The following STOX2 variants were observed in gnomAD, a reference collection of about 807,000 sequenced individuals.
The protein encoded by STOX2 is storkhead box 2, also known as storkhead-box protein 2.
In STOX2, 28 loss-of-function variants were observed where a neutral mutation model predicts 60.9. The observed-to-expected ratio is 0.46, with a 90% CI of 0.34 to 0.63. The LOEUF (loss-of-function observed/expected upper bound fraction) is 0.63, where lower values mean the gene tolerates loss of function less well. Ranked by LOEUF, STOX2 falls within the 30% of genes least tolerant of loss-of-function variation. STOX2 has a pLI of 0.01. For synonymous variants in STOX2, 472 were observed against 463.9 expected (o/e 1.02, Z -0.22); for missense variants, 1,024 against 1,187.7 (o/e 0.86, Z 2.03).
chr4:183,901,786 G>GT (rs1579391783), upstream of STOX2, among the ~76,000 whole-genome samples: 1 of 151,704 alleles, frequency 6.6e-6, no homozygotes, highest in East Asian at 1.9e-4. Context: ...CTAGTTGTTT[G>GT]TTTTTTTGTT....
At chr4:183,893,034 T>C (rs1001305573) in intron 1 of STOX2, among the ~76,000 whole-genome samples, 1 of 152,022 alleles carries the variant, frequency 6.6e-6, no homozygotes, top group Non-Finnish European at 1.5e-5. Flanking sequence ...GAAAGCCACA[T>C]CAGATATCCT....
chr4:183,875,189 T>C (rs982892655), intron 1 of STOX2, among the ~76,000 whole-genome samples: 1 of 151,584 alleles, frequency 6.6e-6, no homozygotes, highest in Non-Finnish European at 1.5e-5. Flanking sequence ...CCCATATTAT[T>C]ACAGGGTGAT....
intron 1 of STOX2, among the ~76,000 whole-genome samples, chr4:183,964,256 T>A (rs1743497762): frequency 6.6e-6 from 1 of 152,194 alleles, no homozygotes; most frequent in Non-Finnish European, 1.5e-5. Context: ...AATATTCAAA[T>A]GTTATGTTGA....
At chr4:183,941,702 C>T (rs1348845931) in intron 1 of STOX2, among the ~76,000 whole-genome samples, 4 of 152,162 alleles carry the variant, frequency 2.6e-5, no homozygotes, top group Non-Finnish European at 5.9e-5. Context: ...ACGTGCCTGG[C>T]ACACAGTCAT....
At chr4:183,989,165 TC>T (rs914138900) in intron 1 of STOX2, among the ~76,000 whole-genome samples, 2 of 124,068 alleles carry the variant, frequency 1.6e-5, no homozygotes, top group African/African-American at 7.0e-5. Context: ...TGACATTTTT[TC>T]TGGTTTTTTT....
intron 1 of STOX2, among the ~76,000 whole-genome samples, chr4:183,933,686 G>A (rs997915835): frequency 2.0e-5 from 3 of 152,160 alleles, no homozygotes; most frequent in African/African-American, 7.2e-5. Flanking sequence ...ACTGCACCTG[G>A]CTGAAACTCA....
At chr4:183,833,634 GTT>G (rs112301632) in intron 1 of STOX2, among the ~76,000 whole-genome samples, 4 of 142,522 alleles carry the variant, frequency 2.8e-5, no homozygotes, top group Admixed American at 1.4e-4. Context: ...TTCTGCAGGA[GTT>G]TTTTTTTTTT....
At position 184,009,724 on chromosome 4, in the gene STOX2, C is replaced by A; in HGVS notation, c.886C>A (p.Pro296Thr). Residue 296 changes from proline (P) to threonine (T), a missense_variant, in exon 3 of 4, where the codon CCC (proline) becomes ACC (threonine). Coordinates refer to ENST00000308497, the MANE Select transcript of STOX2 (RefSeq NM_020225.3). The surrounding 1 kb of genome is among the most constrained non-coding windows in gnomAD (Gnocchi z 4.0). ...FSAQFPPEEWPLRDEDTPATI... is the reference protein window; with the variant it reads ...FSAQFPPEEWTLRDEDTPATI... ...TGCCCAGTTTCCTCCTGAAGAGTGGCCCCTGCGAGACGAGGACACGCCAGC... is the reference window on the plus strand; with the variant it reads ...TGCCCAGTTTCCTCCTGAAGAGTGGACCCTGCGAGACGAGGACACGCCAGC... 1 of 1,613,714 alleles carries A rather than the reference C, an allele frequency of 6.2e-7. No individual in the cohort carries two copies. The highest frequency in any genetic ancestry group is 8.5e-7 in the Non-Finnish European group (1 of 1,179,824).
chr4:183,818,731 C>CT (rs1739219225), intron 1 of STOX2, among the ~76,000 whole-genome samples: 1 of 150,310 alleles, frequency 6.7e-6, no homozygotes, highest in Non-Finnish European at 1.5e-5. Flanking sequence ...GGGCTGACTC[C>CT]CCACCTCCCT....
intron 1 of STOX2, among the ~76,000 whole-genome samples, chr4:183,861,838 CG>C (rs1266857916): frequency 6.6e-6 from 1 of 152,060 alleles, no homozygotes; most frequent in Non-Finnish European, 1.5e-5. Context: ...AATTAGGACC[CG>C]GAAGAGCCCA....
intron 1 of STOX2, among the ~76,000 whole-genome samples, chr4:183,924,582 G>A (rs985996373): frequency 8.5e-5 from 13 of 152,118 alleles, no homozygotes; most frequent in African/African-American, 3.1e-4. Context: ...AGGAGCTGTC[G>A]GGTTATTCTG....
chr4:183,846,413 A>G (rs1312833880), intron 1 of STOX2, among the ~76,000 whole-genome samples: 1 of 151,942 alleles, frequency 6.6e-6, no homozygotes, highest in South Asian at 2.1e-4. Context: ...GGTGTGCTTG[A>G]TGGTGTTCCA....
chr4:184,000,959 A>G (rs1250389511), intron 1 of STOX2, among the ~76,000 whole-genome samples: 1 of 152,258 alleles, frequency 6.6e-6, no homozygotes, highest in Non-Finnish European at 1.5e-5. Context: ...ATCAAGTTAC[A>G]CAAATGCAAT....
rs552702741 is a variant in STOX2 at position 183,884,375 on chromosome 4, T to G, written c.364+86320T>G. 1.1e-4 allele frequency among the ~76,000 whole-genome samples: 16 copies of G among 152,120 alleles called. No homozygotes were observed. The East Asian group carries it at 1.2e-3, about 11-fold the overall frequency. ...TAGGGTCCGGTTTAGTAGCATGAGA[T>G]AGAAAATATTTTATTGGTTTGGGAG... is the stretch of plus-strand genomic sequence containing the variant. On this transcript the variant is annotated intron_variant, in intron 1 of 2. Transcript: ENST00000513034.
chr4:183,949,627 G>C (rs1346866268), intron 1 of STOX2, among the ~76,000 whole-genome samples: 3 of 152,190 alleles, frequency 2.0e-5, no homozygotes. Flanking sequence ...GAACCCGGGA[G>C]ATGTAGGTTG....
chr4:183,846,246 C>T (rs1739987427), intron 1 of STOX2, among the ~76,000 whole-genome samples: 1 of 152,206 alleles, frequency 6.6e-6, no homozygotes, highest in Non-Finnish European at 1.5e-5. Flanking sequence ...TGTATTTCGA[C>T]AGTTACATTA....
chr4:183,875,284 C>T (rs932945063), intron 1 of STOX2, among the ~76,000 whole-genome samples: 1 of 152,134 alleles, frequency 6.6e-6, no homozygotes, highest in African/African-American at 2.4e-5. Flanking sequence ...TCTCTCCCTT[C>T]CCTCCGCTTC....
chr4:183,825,749 G>A lies in STOX2; in HGVS notation c.364+27694G>A, dbSNP rs1016714240. Among the ~76,000 whole-genome samples the A allele has an allele frequency of 4.6e-5, 7 of 152,156 alleles. No individual in the cohort carries two copies. Among genetic ancestry groups the A allele is most frequent in the Non-Finnish European group, 1.0e-4 (7 of 68,034 alleles). The stretch of plus-strand genomic sequence containing the variant: ...AGGGTCAGCGAGGTGGCTGGGGCTG[G>A]ACTTTGCCGGGGAGGGGTTCAGATT... On this transcript the variant is annotated intron_variant, in intron 1 of 2. Coordinates refer to the STOX2 transcript ENST00000513034. This position sits in a 1 kb window ranked among gnomAD's most constrained non-coding sequence, Gnocchi z 4.1.
At chr4:184,015,613 T>G (rs1447316786) in intron 3 of STOX2, 1 of 152,208 alleles carries the variant, frequency 6.6e-6, no homozygotes, top group Admixed American at 6.5e-5. Flanking sequence ...GGAGTTAGGC[T>G]TAAATAACCT....
Sources: gnomAD v4.1 joint callset for allele counts (sites outside exome capture counted in the v4.1 genomes callset) on GRCh38, gnomAD v4.1.1 for gene constraint, Gnocchi (gnomAD v3.1) non-coding constraint, MANE v1.5 for transcripts, NCBI Gene and HGNC (gene_info 2026-07-23, HGNC 2026-07-21) for gene names.